Variants in PDE1C observed in about 807,000 individuals in gnomAD.
The protein encoded by PDE1C is phosphodiesterase 1C.
A neutral mutation model predicts 93.1 loss-of-function variants in PDE1C; 62 were observed. The observed-to-expected ratio is 0.67, with a 90% CI of 0.54 to 0.82. The LOEUF is 0.82. Ranked by LOEUF, PDE1C falls within the 40% of genes least tolerant of loss-of-function variation. The probability of loss-of-function intolerance (pLI) is 0.00; values close to 1 mark genes in which losing one functional copy is unlikely to be tolerated. For missense variants in PDE1C, 742 were observed against 884.6 expected, an observed-to-expected ratio of 0.84 and a Z score of 2.04; for synonymous variants, 325 against 310.1, an observed-to-expected ratio of 1.05 and a Z score of -0.50.
At chr7:31,990,166 C>T (rs7786794) in intron 2 of PDE1C, among the ~76,000 whole-genome samples, 10,477 of 152,228 alleles carry the variant, frequency 0.069, 904 homozygotes, top group African/African-American at 0.21. Flanking sequence ...GTATCCCCAT[C>T]CAAATCTCAC....
At chr7:31,897,859 T>A (rs73690327) in intron 2 of PDE1C, among the ~76,000 whole-genome samples, 3,292 of 152,276 alleles carry the variant, frequency 0.022, 118 homozygotes, top group African/African-American at 0.075. Flanking sequence ...TGGGTTTTTT[T>A]AAATATATAT....
chr7:31,642,330 C>T, the PDE1C span: 1 of 1,017,610 alleles, frequency 9.8e-7, no homozygotes, highest in Middle Eastern at 2.1e-4. Context: ...ACCAGGCTGC[C>T]ACCCAAACCT....
chr7:31,688,005 T>C, the PDE1C span, among the ~76,000 whole-genome samples: 20 of 152,336 alleles, frequency 1.3e-4, no homozygotes, highest in East Asian at 2.5e-3. Flanking sequence ...ACTATTCTCA[T>C]CTCATTACCA....
At chr7:31,746,266 T>A (rs1794005173), downstream of PDE1C, among the ~76,000 whole-genome samples, 1 of 152,192 alleles carries the variant, frequency 6.6e-6, no homozygotes, top group African/African-American at 2.4e-5. Flanking sequence ...CAGAGAAGAA[T>A]CAGTGACAAA....
chr7:32,115,960 G>A lies in PDE1C; in HGVS notation c.308+53825C>T, dbSNP rs192896241. 2.7e-4 allele frequency among the ~76,000 whole-genome samples: 41 copies of A among 152,244 alleles called. No homozygotes were observed. The East Asian group carries it at 7.5e-3, about 28-fold the overall frequency. On this transcript the variant is annotated intron_variant, in intron 3 of 18. Transcript: ENST00000396193. ...TGTGCATGACTAAGAGACCAAGATGGCAGGGAAAAAATGGCATGGGTGAAA... is the reference window on the plus strand; with the variant it reads ...TGTGCATGACTAAGAGACCAAGATGACAGGGAAAAAATGGCATGGGTGAAA...
At chr7:31,665,642 G>A in the PDE1C span, among the ~76,000 whole-genome samples, 4 of 152,128 alleles carry the variant, frequency 2.6e-5, no homozygotes, top group Admixed American at 2.6e-4. Context: ...AGTAGTTCCT[G>A]CACTTTACCA....
At chr7:32,082,844 C>T (rs953440077) in intron 3 of PDE1C, among the ~76,000 whole-genome samples, 2 of 151,546 alleles carry the variant, frequency 1.3e-5, no homozygotes, top group African/African-American at 2.4e-5. Flanking sequence ...ACACCAAAAA[C>T]CCATCTGTAC....
chr7:32,425,406 T>C (rs1231922564), intron 1 of PDE1C, among the ~76,000 whole-genome samples: 1 of 152,136 alleles, frequency 6.6e-6, no homozygotes, highest in African/African-American at 2.4e-5. Context: ...ATATAGAAAT[T>C]GAATAATTTT....
intron 3 of PDE1C, among the ~76,000 whole-genome samples, chr7:32,163,837 C>T (rs938264290): frequency 6.6e-6 from 1 of 152,140 alleles, no homozygotes; most frequent in Non-Finnish European, 1.5e-5. Flanking sequence ...ATAATCCAGT[C>T]ACAAAAGAAA....
At chr7:31,965,833 C>G (rs955549734) in intron 2 of PDE1C, among the ~76,000 whole-genome samples, 1 of 152,156 alleles carries the variant, frequency 6.6e-6, no homozygotes, top group Non-Finnish European at 1.5e-5. Flanking sequence ...AATTTCCAAC[C>G]CAGAATTTCA....
At chr7:32,409,076 G>C (rs1026446643) in intron 1 of PDE1C, among the ~76,000 whole-genome samples, 1 of 152,074 alleles carries the variant, frequency 6.6e-6, no homozygotes. Flanking sequence ...AGCATAAAAA[G>C]AAAAGGAAAG....
chr7:32,046,382 C>G lies in PDE1C; in HGVS notation c.128+5172G>C, dbSNP rs557239638. Reference sequence around the variant, plus strand: ...CAATACTGGAGGCTCACTTTATAATCTAGCGAGAGAAGAGTATATGATAAT... The same window carrying G: ...CAATACTGGAGGCTCACTTTATAATGTAGCGAGAGAAGAGTATATGATAAT... On this transcript the variant is annotated intron_variant, in intron 2 of 17. Transcript: ENST00000396191. Among the ~76,000 whole-genome samples, 6 of 152,290 alleles carry G rather than the reference C, an allele frequency of 3.9e-5. No homozygotes were observed. The East Asian group carries it at 9.7e-4, about 25-fold the overall frequency.
chr7:32,177,258 C>G lies in PDE1C; in HGVS notation c.137-7302G>C, dbSNP rs147077900. 9.0e-3 allele frequency among the ~76,000 whole-genome samples: 1,369 copies of G among 152,144 alleles called. 15 individuals carry two copies. Among genetic ancestry groups the G allele is most frequent in the Non-Finnish European group, 0.01 (691 of 68,014 alleles). On this transcript the variant is annotated intron_variant, in intron 2 of 18. Coordinates refer to the PDE1C transcript ENST00000396193. ...CAAGTTTTTTCTTTTGGAAGTGATT[C>G]CAGGAGGCAGGAGAGGAGAACACGG...
At chr7:32,393,955 A>G (rs1281073970) in intron 1 of PDE1C, among the ~76,000 whole-genome samples, 1 of 152,224 alleles carries the variant, frequency 6.6e-6, no homozygotes, top group East Asian at 1.9e-4. Flanking sequence ...AAACAGTTCA[A>G]CATTTGTGGG....
At chr7:31,714,522 G>T in the PDE1C span, among the ~76,000 whole-genome samples, 11 of 152,262 alleles carry the variant, frequency 7.2e-5, no homozygotes, top group African/African-American at 2.4e-4. Flanking sequence ...CTTTTCGGCA[G>T]TGCCCCACTC....
At chr7:31,922,742 T>G (rs1406321660) in intron 2 of PDE1C, among the ~76,000 whole-genome samples, 1 of 152,074 alleles carries the variant, frequency 6.6e-6, no homozygotes, top group Non-Finnish European at 1.5e-5. Context: ...AGAGAAACAG[T>G]GGAAGAAACA....
At chr7:32,283,576 T>G (rs2128893598) in intron 1 of PDE1C, among the ~76,000 whole-genome samples, 1 of 152,360 alleles carries the variant, frequency 6.6e-6, no homozygotes, top group East Asian at 1.9e-4. Context: ...GTTCTTTTTC[T>G]CCTTAGCATG....
intron 2 of PDE1C, among the ~76,000 whole-genome samples, chr7:31,996,398 C>A (rs925914264): frequency 3.9e-5 from 6 of 152,134 alleles, no homozygotes; most frequent in African/African-American, 1.4e-4. Flanking sequence ...TCTTTACACA[C>A]TCAGAAAAAT....
chr7:31,838,004 G>A (rs1791339670), intron 9 of PDE1C, 33 bp from the exon 10 acceptor site: 3 of 1,404,196 alleles, frequency 2.1e-6, no homozygotes, highest in Admixed American at 1.8e-5. Context: ...AAAAAGGATG[G>A]AAGTCAAAAA....
Sources: allele counts gnomAD v4.1 joint callset (sites outside exome capture counted in the v4.1 genomes callset), GRCh38; gene constraint gnomAD v4.1.1; transcripts MANE v1.5; gene names NCBI Gene and HGNC (gene_info 2026-07-23, HGNC 2026-07-21).